Variants in PPIP5K1 observed in about 807,000 individuals in gnomAD.
PPIP5K1 encodes the protein diphosphoinositol pentakisphosphate kinase 1.
Under a neutral mutation model 27.7 loss-of-function variants are expected in PPIP5K1, and 6 were observed. The ratio of observed to expected loss-of-function variants is 0.22; its 90% CI spans 0.12 to 0.43. The LOEUF (loss-of-function observed/expected upper bound fraction) is 0.43. PPIP5K1 is among the 20% of genes least tolerant of loss of function. The pLI is 1.00. For missense variants in PPIP5K1, 394 were observed against 635.4 expected, an observed-to-expected ratio of 0.62 and a Z score of 4.08; for synonymous variants, 145 against 242.6, an observed-to-expected ratio of 0.60 and a Z score of 3.74.
chr15:43,549,081 A>C (rs2081872742), intron 30 of PPIP5K1, among the ~76,000 whole-genome samples: 1 of 133,912 alleles, frequency 7.5e-6, no homozygotes, highest in South Asian at 2.3e-4. Flanking sequence ...ATATATATAT[A>C]CATATATATA....
At position 43,535,172 on chromosome 15, in the gene PPIP5K1, G is replaced by T; in HGVS notation, c.3975C>A (p.Cys1325Ter). ...GGCTGAGCGCCTCAGAAATGTCCTG[G>T]CATGGCTGGCTGATGTCAGGGACCT... ...CQEVPDISQPCQDISEALSQP... is the reference protein window; with the variant it reads ...CQEVPDISQP Residue 1325 changes from cysteine (C) to a stop codon, truncating the protein, a stop_gained, in exon 32 of 32, where the codon TGC (cysteine) becomes TGA (stop). Transcript: ENST00000420765. LOFTEE classifies it low-confidence loss of function (END_TRUNC). The T allele has an allele frequency of 1.9e-6, 3 of 1,613,608 alleles. No individual in the cohort carries two copies. The highest frequency in any genetic ancestry group is 2.5e-6 in the Non-Finnish European group (3 of 1,179,886).
chr15:43,557,680 T>C (rs2083170720), intron 30 of PPIP5K1, among the ~76,000 whole-genome samples: 1 of 151,970 alleles, frequency 6.6e-6, no homozygotes, highest in Non-Finnish European at 1.5e-5. Context: ...TCTCTCTCTT[T>C]TGTGGTAACA....
At chr15:43,537,032 C>T (rs1030649465) in intron 31 of PPIP5K1, among the ~76,000 whole-genome samples, 2 of 151,964 alleles carry the variant, frequency 1.3e-5, no homozygotes, top group African/African-American at 4.8e-5. Flanking sequence ...AGTTATCTCT[C>T]TTCTGTAAAC....
intron 30 of PPIP5K1, among the ~76,000 whole-genome samples, chr15:43,543,841 A>G (rs1176182690): frequency 2.0e-5 from 3 of 151,360 alleles, no homozygotes; most frequent in Non-Finnish European, 4.4e-5. Context: ...TATACATAGT[A>G]TCAATATCAC....
intron 29 of PPIP5K1, among the ~76,000 whole-genome samples, chr15:43,559,455 G>A (rs1156643776): frequency 6.6e-6 from 1 of 152,156 alleles, no homozygotes; most frequent in Non-Finnish European, 1.5e-5. Context: ...TAGAATACTT[G>A]GATGCAAACT....
At chr15:43,543,811 A>AT (rs1483311859) in intron 30 of PPIP5K1, among the ~76,000 whole-genome samples, 1 of 139,692 alleles carries the variant, frequency 7.2e-6, no homozygotes, top group Non-Finnish European at 1.6e-5. Context: ...TATATATATA[A>AT]AATATATATT....
intron 30 of PPIP5K1, among the ~76,000 whole-genome samples, chr15:43,546,189 T>C (rs2081348956): frequency 6.6e-6 from 1 of 152,222 alleles, no homozygotes; most frequent in African/African-American, 2.4e-5. Context: ...TTTTTAAGGT[T>C]CATCCACATT....
rs2084747507 is a variant in PPIP5K1, at chr15:43,579,586, CAT to C, written c.1062-468_1062-467del. Among the ~76,000 whole-genome samples, 2 of 49,848 alleles carry C rather than the reference CAT, an allele frequency of 4.0e-5. 1 individual carries two copies. The highest frequency in any genetic ancestry group is 5.9e-5 in the Non-Finnish European group (2 of 33,972). The allele number at this position is 49,848 out of a possible 152,430, so 32.7% of individuals were successfully genotyped here. On this transcript the variant is annotated intron_variant, in intron 10 of 31. Transcript: ENST00000420765. ...ATACGTACATATATACACATATATACATATATGTGTACGTGTGTGTGTGTGTG... is the reference window on the plus strand; with the variant it reads ...ATACGTACATATATACACATATATACATATGTGTACGTGTGTGTGTGTGTG...
chr15:43,542,312 G>A (rs536775615), intron 30 of PPIP5K1, among the ~76,000 whole-genome samples: 1 of 150,354 alleles, frequency 6.7e-6, no homozygotes, highest in South Asian at 2.1e-4. Flanking sequence ...GGGGGGGGGG[G>A]GCAGAGTCTT....
At chr15:43,546,405 TC>T (rs1225498254) in intron 30 of PPIP5K1, among the ~76,000 whole-genome samples, 2 of 152,280 alleles carry the variant, frequency 1.3e-5, no homozygotes, top group African/African-American at 4.8e-5. Context: ...CAAGTGATCC[TC>T]CCGCCTCAGC....
intron 30 of PPIP5K1, among the ~76,000 whole-genome samples, chr15:43,547,030 T>C (rs980847822): frequency 6.6e-6 from 1 of 152,034 alleles, no homozygotes; most frequent in Non-Finnish European, 1.5e-5. Context: ...ATTAGCACTG[T>C]ATGAGAGTTC....
At chr15:43,551,795 G>A (rs1190779025) in intron 30 of PPIP5K1, among the ~76,000 whole-genome samples, 3 of 151,054 alleles carry the variant, frequency 2.0e-5, no homozygotes, top group Non-Finnish European at 4.4e-5. Context: ...AGTAGAGACG[G>A]GGTTTCACCG....
Position 43,535,337 on chromosome 15 carries a change from C to A in PPIP5K1, c.3810G>T (p.Leu1270=). The A allele has an allele frequency of 6.2e-7, 1 of 1,614,206 alleles. No individual in the cohort carries two copies. The highest frequency in any genetic ancestry group is 8.5e-7 in the Non-Finnish European group (1 of 1,180,028). The part of the protein sequence containing the change: ...HVAEEHQGLG[L]LQETPGSGAQ... ...CTCCACTCCCAGGGGTCTCCTGGAG[C>A]AGCCCAAGGCCTTGATGTTCTTCAG... The change falls in exon 32 of 32, where the codon CTG becomes CTT. Residue 1270 remains leucine, a synonymous_variant. Transcript: ENST00000420765.
chr15:43,541,062 T>C (rs1312432926), intron 30 of PPIP5K1, among the ~76,000 whole-genome samples: 1 of 152,098 alleles, frequency 6.6e-6, no homozygotes, highest in Non-Finnish European at 1.5e-5. Flanking sequence ...ATGCACTGCA[T>C]CTCGTTATGT....
intron 30 of PPIP5K1, among the ~76,000 whole-genome samples, chr15:43,545,782 A>C (rs1433686920): frequency 6.6e-6 from 1 of 152,036 alleles, no homozygotes; most frequent in African/African-American, 2.4e-5. Context: ...TTTTTTATTG[A>C]GGTGAAATCC....
At chr15:43,541,289 T>G (rs2080668401) in intron 30 of PPIP5K1, among the ~76,000 whole-genome samples, 1 of 152,220 alleles carries the variant, frequency 6.6e-6, no homozygotes, top group South Asian at 2.1e-4. Context: ...ATTTTTTGTA[T>G]TTTAGTAGAG....
chr15:43,543,793 CATAT>C (rs150350072), intron 30 of PPIP5K1, among the ~76,000 whole-genome samples: 2 of 147,564 alleles, frequency 1.4e-5, no homozygotes. Flanking sequence ...CTCTGTAATG[CATAT>C]ATATATATAT....
At chr15:43,537,314 C>CAGCCTGG in intron 31 of PPIP5K1, 2 of 234,742 alleles carry the variant, frequency 8.5e-6, no homozygotes, top group South Asian at 8.2e-5. Flanking sequence ...CATTGCACTC[C>CAGCCTGG]AGCCTGGATG....
At position 43,554,992 on chromosome 15, in the gene PPIP5K1, T is replaced by C. The variant is rs117998220; in HGVS notation, c.3556+3803A>G. ...CTGGGATTACAGGTGCCTGCCACCA[T>C]GCCTCGCTGATTTGTGTATTTTTTA... On this transcript the variant is annotated intron_variant, in intron 30 of 31. Transcript: ENST00000420765. Among the ~76,000 whole-genome samples the C allele has an allele frequency of 4.5e-3, 680 of 152,164 alleles. 23 individuals carry two copies. The East Asian group carries it at 0.098, about 22-fold the overall frequency.
Sources: gnomAD v4.1 joint callset for allele counts (sites outside exome capture counted in the v4.1 genomes callset) on GRCh38, gnomAD v4.1.1 for gene constraint, MANE v1.5 for transcripts, NCBI Gene and HGNC (gene_info 2026-07-23, HGNC 2026-07-21) for gene names.